The following DBN1 variants were observed in gnomAD, a reference collection of about 807,000 sequenced individuals.
DBN1 encodes the protein drebrin.
Under a neutral mutation model 83.5 loss-of-function variants are expected in DBN1, and 21 were observed. The ratio of observed to expected loss-of-function variants is 0.25; its 90% CI spans 0.18 to 0.36. The LOEUF (loss-of-function observed/expected upper bound fraction) is 0.36. Among genes scored for constraint, DBN1 ranks in the 10% least tolerant of loss-of-function variants. DBN1 has a pLI of 1.00. For missense variants in DBN1, 874 were observed against 935.7 expected (o/e 0.93, Z 0.86); for synonymous variants, 381 against 384.9 (o/e 0.99, Z 0.12).
At chr5:177,469,410 C>T (rs535538987) in intron 1 of DBN1, among the ~76,000 whole-genome samples, 7 of 152,236 alleles carry the variant, frequency 4.6e-5, no homozygotes, top group East Asian at 1.9e-4. Flanking sequence ...AATTGGCACA[C>T]GACTGGCCCA....
chr5:177,457,141 G>A lies in DBN1; in HGVS notation c.*292C>T. ...CGGCCAGCTGAGCAGGGAGGACTAA[G>A]AGCTACAATCTGGACCAGGGAAGGA... On this transcript the variant is annotated 3_prime_UTR_variant, in exon 15 of 15. Transcript: ENST00000393565. The A allele has an allele frequency of 2.1e-6, 1 of 474,568 alleles. No individual in the cohort carries two copies. The highest frequency in any genetic ancestry group is 2.0e-5 in the African/African-American group (1 of 50,982). 29.4% of individuals were successfully genotyped at this position (474,568 alleles called of 1,614,324 possible).
intron 1 of DBN1, chr5:177,472,071 G>A (rs760598012): frequency 1.1e-5 from 18 of 1,583,398 alleles, no homozygotes; most frequent in Non-Finnish European, 1.5e-5. Context: ...GGGACAATGG[G>A]TGGGCCGCCT....
At chr5:177,465,657 A>G (rs1358018043) in intron 8 of DBN1, among the ~76,000 whole-genome samples, 2 of 152,046 alleles carry the variant, frequency 1.3e-5, no homozygotes, top group Non-Finnish European at 2.9e-5. Flanking sequence ...GGAGTTCAAG[A>G]CCATCCTGGC....
rs569806768 is a variant in DBN1, at chr5:177,459,155, C to G, written c.1207G>C (p.Asp403His). 4 of 1,610,922 alleles carry G rather than the reference C, an allele frequency of 2.5e-6. No homozygotes were observed. Among genetic ancestry groups the G allele is most frequent in the South Asian group, 2.2e-5 (2 of 90,876 alleles). ...GGAGGCTGCGAGGAGGTGACCTCAT[C>G]CAGGGCCCGCTCTATCTGCTCAGCG... ...PVAEQIERAL[D>H]EVTSSQPPPL... The change falls in exon 12 of 15, where the codon GAT becomes CAT. Residue 403 changes from aspartate (D) to histidine (H), a missense_variant. Coordinates refer to ENST00000393565, the MANE Select transcript of DBN1 (RefSeq NM_001363541.2).
rs1449413025 is a variant in DBN1 at position 177,466,477 on chromosome 5, G to C, written c.771+295C>G. ...GTGCAGAACAGTGTCTAATCGCCGA[G>C]AAACCCCAGGGCAGGGGAGGGGGAG... On this transcript the variant is annotated intron_variant, in intron 8 of 14. Transcript: ENST00000393565. The surrounding 1 kb of genome is among the most constrained non-coding windows in gnomAD (Gnocchi z 4.8). 1.3e-5 allele frequency among the ~76,000 whole-genome samples: 2 copies of C among 152,208 alleles called. No homozygotes were observed. The highest frequency in any genetic ancestry group is 4.8e-5 in the African/African-American group (2 of 41,456).
Position 177,458,122 on chromosome 5 carries a change from T to C in DBN1, c.1850A>G (p.Gln617Arg). The change falls in exon 13 of 15, where the codon CAA becomes CGA. Residue 617 changes from glutamine to arginine, a missense_variant. Gln to Arg is a conservative substitution (Grantham distance 43). Transcript: ENST00000393565. ...TLPSALEELE[Q>R]EQEPEPHLLT... ...CAGGTGGGGCTCCGGCTCCTGCTCTTGCTCCAGCTCCTCAAGGGCTGAGGG... is the reference window on the plus strand; with the variant it reads ...CAGGTGGGGCTCCGGCTCCTGCTCTCGCTCCAGCTCCTCAAGGGCTGAGGG... The C allele has an allele frequency of 6.2e-7, 1 of 1,613,638 alleles. No homozygotes were observed. The highest frequency in any genetic ancestry group is 8.5e-7 in the Non-Finnish European group (1 of 1,180,000).
chr5:177,461,433 G>A (rs1258941345), intron 8 of DBN1, among the ~76,000 whole-genome samples: 2 of 152,030 alleles, frequency 1.3e-5, no homozygotes, highest in African/African-American at 2.4e-5. Context: ...TGCTTCTTTC[G>A]CAATCTGGCA....
rs982785934 is a variant in DBN1 at position 177,467,415 on chromosome 5, C to T, written c.477+66G>A. ...CTAAAGGGTGAGAGCTAAGAGGGAC[C>T]GGGCAGGCCAGACTCGGGCACCAGG... On this transcript the variant is annotated intron_variant, in intron 5 of 14. Coordinates refer to ENST00000393565, the MANE Select transcript of DBN1 (RefSeq NM_001363541.2). This position sits in a 1 kb window ranked among gnomAD's most constrained non-coding sequence, Gnocchi z 9.1. 32 of 1,612,430 alleles carry T rather than the reference C, an allele frequency of 2.0e-5. No homozygotes were observed. Among genetic ancestry groups the T allele is most frequent in the African/African-American group, 4.0e-5 (3 of 74,910 alleles).
At chr5:177,469,008 G>A (rs369437441) in intron 1 of DBN1, 109 bp from the exon 2 acceptor site, 14 of 581,478 alleles carry the variant, frequency 2.4e-5, no homozygotes, top group Admixed American at 9.4e-5. Context: ...GGACAGGAAC[G>A]GGGAGGGCTC....
At chr5:177,461,638 C>T (rs958416743) in intron 8 of DBN1, among the ~76,000 whole-genome samples, 1 of 152,188 alleles carries the variant, frequency 6.6e-6, no homozygotes, top group Admixed American at 6.5e-5. Flanking sequence ...TTGCAGATAA[C>T]TTCTTGGACC....
intron 12 of DBN1, among the ~76,000 whole-genome samples, 163 bp from the exon 13 acceptor site, chr5:177,458,870 G>A (rs770398353): frequency 2.9e-4 from 44 of 152,312 alleles, no homozygotes; most frequent in Admixed American, 2.3e-3. Flanking sequence ...TGGCAGCTCC[G>A]GGAGGAAGGC....
At chr5:177,464,890 C>T (rs1315354465) in intron 8 of DBN1, among the ~76,000 whole-genome samples, 2 of 151,842 alleles carry the variant, frequency 1.3e-5, no homozygotes, top group East Asian at 1.9e-4. Flanking sequence ...TGCAGTGGCT[C>T]ACGCCTGTAA....
In DBN1 at chr5:177,466,991, C is replaced by T. The variant is rs1230863282; in HGVS notation, c.627G>A (p.Glu209=). 1 of 1,613,650 alleles carries T rather than the reference C, an allele frequency of 6.2e-7. No homozygotes were observed. The highest frequency in any genetic ancestry group is 2.2e-5 in the East Asian group (1 of 44,872). The change falls in exon 7 of 15, where the codon GAG becomes GAA. Residue 209 remains glutamate, a synonymous_variant. Transcript: ENST00000393565. This position sits in a 1 kb window ranked among gnomAD's most constrained non-coding sequence, Gnocchi z 4.8. ...GCTCCTGCCGCTCCTGCTCCATCCG[C>T]TCCTGCTCGAACCTGAGCCTCTCAT... The part of the protein sequence containing the change: ...ALDERLRFEQ[E]RMEQERQEQE...
Position 177,458,145 on chromosome 5 carries a change from G to A in DBN1, c.1827C>T (p.Pro609=), listed in dbSNP as rs746770735. 7.4e-6 allele frequency: 12 copies of A among 1,613,174 alleles called. No individual in the cohort carries two copies. The highest frequency in any genetic ancestry group is 6.8e-6 in the Non-Finnish European group (8 of 1,179,750). ...CTTGCTCCAGCTCCTCAAGGGCTGAGGGCAGAGTTGGGGTCTGGGGGGCAG... is the reference window on the plus strand; with the variant it reads ...CTTGCTCCAGCTCCTCAAGGGCTGAAGGCAGAGTTGGGGTCTGGGGGGCAG... ...SLAAPQTPTL[P]SALEELEQEQ... Residue 609 remains proline, a synonymous_variant, in exon 13 of 15, where the codon CCC becomes CCT. Coordinates refer to ENST00000393565, the MANE Select transcript of DBN1 (RefSeq NM_001363541.2).
At chr5:177,463,144 C>A (rs1471797496) in intron 8 of DBN1, among the ~76,000 whole-genome samples, 1 of 152,142 alleles carries the variant, frequency 6.6e-6, no homozygotes, top group Admixed American at 6.5e-5. Flanking sequence ...TCACGCCATT[C>A]TCCTGCCTCA....
At chr5:177,465,782 G>C (rs185655027) in intron 8 of DBN1, among the ~76,000 whole-genome samples, 21 of 151,110 alleles carry the variant, frequency 1.4e-4, no homozygotes, top group African/African-American at 5.1e-4. Context: ...TTGAACCTGG[G>C]AGATGGAGGT....
intron 8 of DBN1, chr5:177,462,249 A>G (rs1757104435): frequency 2.0e-6 from 2 of 984,054 alleles, no homozygotes; most frequent in African/African-American, 3.5e-5. Flanking sequence ...TGTAGACATC[A>G]AGTCCTCAGC....
In DBN1 at chr5:177,466,440, T is replaced by C. The variant is rs1313262043; in HGVS notation, c.771+332A>G. Reference sequence around the variant, plus strand: ...ACCCATGCCGCCTGCCTCACTCCTGTGGCCCCTCAGAGTGCAGAACAGTGT... The same window carrying C: ...ACCCATGCCGCCTGCCTCACTCCTGCGGCCCCTCAGAGTGCAGAACAGTGT... On this transcript the variant is annotated intron_variant, in intron 8 of 14. Transcript: ENST00000393565. The surrounding 1 kb of genome is among the most constrained non-coding windows in gnomAD (Gnocchi z 4.8). Among the ~76,000 whole-genome samples, 1 of 151,976 alleles carries C rather than the reference T, an allele frequency of 6.6e-6. No individual in the cohort carries two copies. The highest frequency in any genetic ancestry group is 1.5e-5 in the Non-Finnish European group (1 of 68,006).
At chr5:177,459,779 A>G in intron 10 of DBN1, 39 bp from the exon 11 acceptor site, 5 of 1,430,026 alleles carry the variant, frequency 3.5e-6, no homozygotes, top group Non-Finnish European at 4.6e-6. Context: ...ACAGAGGACA[A>G]GAGAGGGTCA....
Sources: gnomAD v4.1 joint callset for allele counts (sites outside exome capture counted in the v4.1 genomes callset) on GRCh38, gnomAD v4.1.1 for gene constraint, Gnocchi (gnomAD v3.1) non-coding constraint, MANE v1.5 for transcripts, NCBI Gene and HGNC (gene_info 2026-07-23, HGNC 2026-07-21) for gene names.